CAMK2D: variants seen among roughly 807,000 people sequenced by gnomAD.
CAMK2D encodes calcium/calmodulin-dependent protein kinase type II subunit delta.
Under a neutral mutation model 84.0 loss-of-function variants are expected in CAMK2D, and 37 were observed. The ratio of observed to expected loss-of-function variants is 0.44; its 90% CI spans 0.34 to 0.58. The LOEUF (loss-of-function observed/expected upper bound fraction) is 0.58. CAMK2D is among the 20% of genes least tolerant of loss of function. The probability of loss-of-function intolerance (pLI) is 0.02; values close to 1 mark genes in which losing one functional copy is unlikely to be tolerated. For missense variants in CAMK2D, 448 were observed against 652.5 expected (o/e 0.69, Z 3.41); for synonymous variants, 202 against 212.5 (o/e 0.95, Z 0.43).
At chr4:113,578,845 T>C (rs1384203249) in intron 4 of CAMK2D, among the ~76,000 whole-genome samples, 1 of 152,214 alleles carries the variant, frequency 6.6e-6, no homozygotes, top group African/African-American at 2.4e-5. Context: ...CAGAGGCATG[T>C]CCTGTCCTTT....
At chr4:113,759,624 A>C (rs1393785330) in intron 1 of CAMK2D, among the ~76,000 whole-genome samples, 4 of 152,218 alleles carry the variant, frequency 2.6e-5, no homozygotes, top group Non-Finnish European at 5.9e-5. Context: ...ACACATTATT[A>C]ATCAACAAAA....
chr4:113,760,971 G>GCT, intron 1 of CAMK2D, 33 bp downstream of exon 1: 1 of 1,613,938 alleles, frequency 6.2e-7, no homozygotes, highest in Non-Finnish European at 8.5e-7. Flanking sequence ...CAGCTGGAAA[G>GCT]GGGATATGCG....
Position 113,761,110 on chromosome 4 carries a change from AG to A in CAMK2D, c.-43del, listed in dbSNP as rs1350586059. 6.2e-7 allele frequency: 1 copy of A among 1,612,694 alleles called. No individual in the cohort carries two copies. The highest frequency in any genetic ancestry group is 1.3e-5 in the African/African-American group (1 of 74,942). On this transcript the variant is annotated 5_prime_UTR_variant, in exon 1 of 21. Transcript: ENST00000511664. Reference sequence around the variant, plus strand: ...GCCCTGGCTGGGAGCGCGACGGACCAGAAGCGAGCAGACGCGCGGCTAACCC... The same window carrying A: ...GCCCTGGCTGGGAGCGCGACGGACCAAAGCGAGCAGACGCGCGGCTAACCC...
At chr4:113,560,050 C>G (rs2098690825) in intron 4 of CAMK2D, among the ~76,000 whole-genome samples, 1 of 152,118 alleles carries the variant, frequency 6.6e-6, no homozygotes, top group Non-Finnish European at 1.5e-5. Context: ...AGAAGACCAA[C>G]AGATCCTCTG....
At chr4:113,593,028 A>G (rs550838460) in intron 4 of CAMK2D, among the ~76,000 whole-genome samples, 64 of 152,012 alleles carry the variant, frequency 4.2e-4, no homozygotes, top group Non-Finnish European at 7.6e-4. Flanking sequence ...AAATTTTTGT[A>G]TTTTTAATAG....
At chr4:113,732,841 G>A (rs150498885) in intron 2 of CAMK2D, among the ~76,000 whole-genome samples, 15 of 151,900 alleles carry the variant, frequency 9.9e-5, no homozygotes, top group South Asian at 2.1e-4. Flanking sequence ...TCTATGCAGC[G>A]CATCCTATCA....
chr4:113,736,168 A>C (rs1309149334), intron 2 of CAMK2D, among the ~76,000 whole-genome samples: 1 of 151,754 alleles, frequency 6.6e-6, no homozygotes, highest in Non-Finnish European at 1.5e-5. Flanking sequence ...ACATCACCAC[A>C]ATTATATAAA....
intron 16 of CAMK2D, among the ~76,000 whole-genome samples, chr4:113,478,532 A>C (rs2097658990): frequency 6.6e-6 from 1 of 152,162 alleles, no homozygotes; most frequent in Non-Finnish European, 1.5e-5. Flanking sequence ...TTAAATATAC[A>C]ATCTCATATG....
At chr4:113,557,976 A>T (rs2098676597) in intron 4 of CAMK2D, among the ~76,000 whole-genome samples, 1 of 152,226 alleles carries the variant, frequency 6.6e-6, no homozygotes, top group African/African-American at 2.4e-5. Flanking sequence ...CCTGCCAAGC[A>T]TAACCTTTGG....
chr4:113,499,178 A>G (rs2097991974), intron 16 of CAMK2D, among the ~76,000 whole-genome samples: 1 of 152,222 alleles, frequency 6.6e-6, no homozygotes, highest in Admixed American at 6.5e-5. Flanking sequence ...GAATATTTTT[A>G]TCTAATATGA....
chr4:113,686,282 TTCTACTATGGTTGTAGTAGTGTCA>T (rs1277549061), intron 2 of CAMK2D, among the ~76,000 whole-genome samples: 3 of 152,236 alleles, frequency 2.0e-5, no homozygotes, highest in African/African-American at 7.2e-5. Flanking sequence ...TAGTAGTGTC[TTCTACTATGGTTGTAGTAGTGTCA>T]GTGCCTGTAC....
chr4:113,512,596 C>T (rs957802730), intron 12 of CAMK2D, among the ~76,000 whole-genome samples: 2 of 152,006 alleles, frequency 1.3e-5, no homozygotes, highest in Non-Finnish European at 2.9e-5. Flanking sequence ...TTTTTTGAGA[C>T]GGAGTCTCGC....
At chr4:113,708,057 T>C (rs1456187139) in intron 2 of CAMK2D, among the ~76,000 whole-genome samples, 2 of 152,146 alleles carry the variant, frequency 1.3e-5, no homozygotes, top group Non-Finnish European at 2.9e-5. Context: ...AACTGAAAAG[T>C]GGGAAAGTAT....
At chr4:113,616,734 A>C (rs1327251734) in intron 3 of CAMK2D, among the ~76,000 whole-genome samples, 1 of 152,180 alleles carries the variant, frequency 6.6e-6, no homozygotes. Context: ...AGAAGACTAA[A>C]ACAATATAAA....
At chr4:113,646,870 G>A (rs933680834) in intron 3 of CAMK2D, among the ~76,000 whole-genome samples, 4 of 152,084 alleles carry the variant, frequency 2.6e-5, no homozygotes, top group African/African-American at 7.2e-5. Flanking sequence ...AAATTAAATC[G>A]GATATTGTCA....
chr4:113,645,162 G>T (rs142411815), intron 3 of CAMK2D, among the ~76,000 whole-genome samples: 1 of 151,914 alleles, frequency 6.6e-6, no homozygotes, highest in Non-Finnish European at 1.5e-5. Flanking sequence ...GACTACAGGC[G>T]CCCGCCACCA....
chr4:113,675,187 T>C (rs2099313332), intron 2 of CAMK2D, among the ~76,000 whole-genome samples: 1 of 152,184 alleles, frequency 6.6e-6, no homozygotes, highest in Admixed American at 6.6e-5. Flanking sequence ...TTGTAAAACA[T>C]GATAGATTCT....
At chr4:113,494,604 T>C (rs1590144405) in intron 16 of CAMK2D, among the ~76,000 whole-genome samples, 1 of 152,068 alleles carries the variant, frequency 6.6e-6, no homozygotes, top group Non-Finnish European at 1.5e-5. Flanking sequence ...TTTGTCTGTG[T>C]CCTGCCCCCA....
In CAMK2D at chr4:113,742,290, T is replaced by C. The variant is rs192818802; in HGVS notation, c.160+17030A>G. On this transcript the variant is annotated intron_variant, in intron 2 of 20. Transcript: ENST00000511664. Reference sequence around the variant, plus strand: ...AGTTTCAGCATAAAAAATATCAAACTTTTCCTTATTAGATAAAAGCTAATA... The same window carrying C: ...AGTTTCAGCATAAAAAATATCAAACCTTTCCTTATTAGATAAAAGCTAATA... 1.0e-3 allele frequency among the ~76,000 whole-genome samples: 152 copies of C among 152,216 alleles called. 2 individuals are homozygous for C. Among genetic ancestry groups the C allele is most frequent in the Non-Finnish European group, 1.7e-3 (115 of 68,006 alleles).
Sources: allele counts gnomAD v4.1 joint callset (sites outside exome capture counted in the v4.1 genomes callset), GRCh38; gene constraint gnomAD v4.1.1; transcripts MANE v1.5; gene names NCBI Gene and HGNC (gene_info 2026-07-23, HGNC 2026-07-21).